Variants in ARID1B observed in about 807,000 individuals in gnomAD.
The protein encoded by ARID1B is AT-rich interaction domain 1B.
ARID1B carries 30 observed loss-of-function variants against 212.3 expected under a neutral mutation model. The ratio of observed to expected loss-of-function variants is 0.14; its 90% CI spans 0.11 to 0.19. ARID1B has a LOEUF of 0.19. Ranked by LOEUF, ARID1B falls within the 10% of genes least tolerant of loss-of-function variation. The pLI, the probability that ARID1B is intolerant of heterozygous loss-of-function variation, is 1.00. For missense variants in ARID1B, 2,891 were observed against 3,204.0 expected (o/e 0.90, Z 2.36); for synonymous variants, 1,402 against 1,301.7 (o/e 1.08, Z -1.66).
Position 157,181,151 on chromosome 6 carries a change from C to T in ARID1B, c.3687C>T (p.Cys1229=), listed in dbSNP as rs763270294. ...KPLDLFRLYV[C]VKEIGGLAQV... ...TGGACCTGTTCCGACTCTACGTCTG[C>T]GTCAAAGAGATCGGGGGTTTGGCCC... Residue 1229 remains cysteine (C), a synonymous_variant, in exon 12 of 20, where the codon TGC becomes TGT. Coordinates refer to ENST00000636930, the MANE Select transcript of ARID1B (RefSeq NM_001374828.1). 1.1e-5 allele frequency: 17 copies of T among 1,614,032 alleles called. No homozygotes were observed. Among genetic ancestry groups the T allele is most frequent in the African/African-American group, 2.7e-5 (2 of 74,908 alleles).
intron 4 of ARID1B, chr6:156,937,235 G>GGCAT (rs1319161687): frequency 6.6e-6 from 1 of 152,152 alleles, no homozygotes; most frequent in African/African-American, 2.4e-5. Flanking sequence ...GAGAGACAGA[G>GGCAT]GCATGCATGC....
intron 3 of ARID1B, among the ~76,000 whole-genome samples, chr6:156,907,936 G>A (rs1389753953): frequency 6.6e-6 from 1 of 150,706 alleles, no homozygotes; most frequent in East Asian, 1.9e-4. Flanking sequence ...AATTGAAGAT[G>A]AGTCCCTTTT....
chr6:157,010,469 A>G (rs1779529553), intron 4 of ARID1B, among the ~76,000 whole-genome samples: 2 of 151,630 alleles, frequency 1.3e-5, no homozygotes, highest in Non-Finnish European at 2.9e-5. Flanking sequence ...ATTACAGGCA[A>G]GCACTGCCAC....
chr6:157,054,223 C>CAAAA (rs71645383), intron 4 of ARID1B, among the ~76,000 whole-genome samples: 4 of 144,704 alleles, frequency 2.8e-5, no homozygotes, highest in Non-Finnish European at 6.1e-5. Context: ...GACTCTGTCT[C>CAAAA]AAAAAAAAGA....
intron 8 of ARID1B, among the ~76,000 whole-genome samples, chr6:157,160,832 G>T (rs1790881508): frequency 6.6e-6 from 1 of 152,188 alleles, no homozygotes; most frequent in Non-Finnish European, 1.5e-5. Flanking sequence ...AATTCCAGTG[G>T]ATTGATCCCT....
rs554366948 is a variant in ARID1B, at chr6:156,973,234, A to C, written c.2247+37658A>C. On this transcript the variant is annotated intron_variant, in intron 4 of 19. Coordinates refer to ENST00000636930, the MANE Select transcript of ARID1B (RefSeq NM_001374828.1). The stretch of plus-strand genomic sequence containing the variant: ...AGAAATCTAAATAGCTACATGTGGC[A>C]GTCATGTTGGCTCATATTGGACAGC... Among the ~76,000 whole-genome samples the C allele has an allele frequency of 2.6e-5, 4 of 152,372 alleles. No individual in the cohort carries two copies. In the East Asian group the frequency reaches 7.7e-4, roughly 29 times the overall value.
At chr6:156,783,003 C>T (rs1779382848) in intron 1 of ARID1B, among the ~76,000 whole-genome samples, 1 of 151,288 alleles carries the variant, frequency 6.6e-6, no homozygotes, top group Non-Finnish European at 1.5e-5. Context: ...GGTAGCCACT[C>T]TTTAAGACAG....
At chr6:157,039,812 TTC>T (rs1432446891) in intron 4 of ARID1B, among the ~76,000 whole-genome samples, 2 of 141,442 alleles carry the variant, frequency 1.4e-5, no homozygotes, top group African/African-American at 2.7e-5. Flanking sequence ...TTCTCTTTCT[TTC>T]TTTTTCTCTC....
At chr6:156,850,275 TTGAC>T (rs1040398109) in intron 2 of ARID1B, among the ~76,000 whole-genome samples, 1 of 152,142 alleles carries the variant, frequency 6.6e-6, no homozygotes, top group African/African-American at 2.4e-5. Flanking sequence ...GAGACTCTTT[TTGAC>T]TGGACAATAT....
At chr6:157,173,928 C>A in intron 9 of ARID1B, 80 bp from the exon 10 acceptor site, 1 of 1,247,114 alleles carries the variant, frequency 8.0e-7, no homozygotes. Flanking sequence ...TCCTGCTTCA[C>A]TCTGTAACTT....
intron 5 of ARID1B, among the ~76,000 whole-genome samples, chr6:157,097,686 C>T (rs1206922797): frequency 6.6e-6 from 1 of 152,124 alleles, no homozygotes; most frequent in South Asian, 2.1e-4. Flanking sequence ...TTTAAAAAGG[C>T]CTGTCTCTAT....
rs373000559 is a variant in ARID1B at position 156,818,481 on chromosome 6, T to C, written c.1792-10746T>C. Among the ~76,000 whole-genome samples the C allele has an allele frequency of 8.5e-5, 13 of 152,324 alleles. No individual in the cohort carries two copies. The South Asian group carries it at 1.7e-3, about 19-fold the overall frequency. On this transcript the variant is annotated intron_variant, in intron 1 of 19. Transcript: ENST00000636930. ...AATTAGTAACTTCTCTGTCTTTACG[T>C]AGTGCTCTGATATGTGTTTGGAATT...
intron 4 of ARID1B, among the ~76,000 whole-genome samples, chr6:157,058,819 T>TA (rs1297411395): frequency 6.6e-6 from 1 of 152,190 alleles, no homozygotes; most frequent in Non-Finnish European, 1.5e-5. Context: ...TGACCAGCGA[T>TA]ATGTGGTTAA....
At chr6:156,848,805 G>C (rs1784396450) in intron 2 of ARID1B, among the ~76,000 whole-genome samples, 1 of 152,252 alleles carries the variant, frequency 6.6e-6, no homozygotes, top group Non-Finnish European at 1.5e-5. Flanking sequence ...TAGACCAGAA[G>C]TGTGGGGAGG....
chr6:156,926,690 G>A (rs969333334), intron 3 of ARID1B, among the ~76,000 whole-genome samples: 48 of 152,030 alleles, frequency 3.2e-4, no homozygotes, highest in African/African-American at 1.1e-3. Context: ...AATTCCAGAT[G>A]TTACTATTTT....
intron 2 of ARID1B, among the ~76,000 whole-genome samples, chr6:156,844,819 G>A (rs147637972): frequency 2.1e-3 from 323 of 152,324 alleles, no homozygotes; most frequent in African/African-American, 7.6e-3. Context: ...GTCATGGACT[G>A]CAAGTATATT....
At chr6:156,864,716 G>T (rs987972021) in intron 2 of ARID1B, among the ~76,000 whole-genome samples, 27 of 152,056 alleles carry the variant, frequency 1.8e-4, no homozygotes, top group African/African-American at 6.3e-4. Flanking sequence ...TGCTGTCCCC[G>T]CTGGAAGATG....
chr6:156,842,264 G>A (rs117641964), intron 2 of ARID1B, among the ~76,000 whole-genome samples: 1 of 152,120 alleles, frequency 6.6e-6, no homozygotes, highest in African/African-American at 2.4e-5. Context: ...TCATTACGTA[G>A]TTACTCTCTG....
intron 5 of ARID1B, among the ~76,000 whole-genome samples, chr6:157,099,395 G>T (rs1020793633): frequency 6.6e-6 from 1 of 152,076 alleles, no homozygotes; most frequent in South Asian, 2.1e-4. Flanking sequence ...CTGTGGGAAG[G>T]TATCTCCCCA....
Sources: gnomAD v4.1 joint callset for allele counts (sites outside exome capture counted in the v4.1 genomes callset) on GRCh38, gnomAD v4.1.1 for gene constraint, MANE v1.5 for transcripts, NCBI Gene and HGNC (gene_info 2026-07-23, HGNC 2026-07-21) for gene names.